Variants in AIG1 observed in about 807,000 individuals in gnomAD.
AIG1 encodes androgen induced 1.
In AIG1, 23 loss-of-function variants were observed where a neutral mutation model predicts 31.4. That is an observed-to-expected ratio of 0.73 (90% CI 0.53 to 1.04). AIG1 has a LOEUF of 1.04. Ranked by LOEUF, AIG1 falls within the 50% of genes least tolerant of loss-of-function variation. The pLI, the probability that AIG1 is intolerant of heterozygous loss-of-function variation, is 0.00. For missense variants in AIG1, 274 were observed against 295.0 expected (o/e 0.93, Z 0.52); for synonymous variants, 100 against 110.5 (o/e 0.90, Z 0.60).
chr6:143,220,997 G>T (rs914949879), intron 3 of AIG1, among the ~76,000 whole-genome samples: 2 of 152,012 alleles, frequency 1.3e-5, no homozygotes, highest in African/African-American at 4.8e-5. Context: ...TTTTATTGTT[G>T]TTGTTGTTGT....
chr6:143,146,960 G>T (rs555222897), intron 2 of AIG1, among the ~76,000 whole-genome samples: 1 of 152,148 alleles, frequency 6.6e-6, no homozygotes, highest in Non-Finnish European at 1.5e-5. Flanking sequence ...AGAAAATCAG[G>T]TGGGAAGGTG....
At chr6:143,077,255 T>G (rs746193295) in intron 1 of AIG1, among the ~76,000 whole-genome samples, 1 of 152,246 alleles carries the variant, frequency 6.6e-6, no homozygotes, top group Non-Finnish European at 1.5e-5. Flanking sequence ...GAACTTAGTA[T>G]AGTAAAATAT....
At chr6:143,153,231 G>A (rs557057782) in intron 2 of AIG1, among the ~76,000 whole-genome samples, 7 of 152,322 alleles carry the variant, frequency 4.6e-5, no homozygotes, top group African/African-American at 1.7e-4. Context: ...GTATCAGTTA[G>A]GACCAGCAAG....
intron 3 of AIG1, chr6:143,187,348 C>G: frequency 6.8e-7 from 1 of 1,476,442 alleles, no homozygotes; most frequent in African/African-American, 1.4e-5. Flanking sequence ...AGATATTTTG[C>G]TGCATTCCAT....
intron 4 of AIG1, among the ~76,000 whole-genome samples, chr6:143,320,479 A>T (rs1776118704): frequency 6.6e-6 from 1 of 152,258 alleles, no homozygotes; most frequent in African/African-American, 2.4e-5. Flanking sequence ...GAGATGAATG[A>T]TAAATAAAAG....
In AIG1 at chr6:143,235,588, C is replaced by G. The variant is rs573891344; in HGVS notation, c.400-48522C>G. Among the ~76,000 whole-genome samples, 10 of 151,672 alleles carry G rather than the reference C, an allele frequency of 6.6e-5. No homozygotes were observed. The South Asian group carries it at 1.9e-3, about 29-fold the overall frequency. ...CTGGCATGCCATGTTCCCAGGCTCCCCATCTCACTCTCTTCTCCCCTGATT... is the reference window on the plus strand; with the variant it reads ...CTGGCATGCCATGTTCCCAGGCTCCGCATCTCACTCTCTTCTCCCCTGATT... On this transcript the variant is annotated intron_variant, in intron 3 of 5. Transcript: ENST00000357847.
At chr6:143,158,115 C>G (rs1400212637) in intron 2 of AIG1, among the ~76,000 whole-genome samples, 1 of 152,166 alleles carries the variant, frequency 6.6e-6, no homozygotes. Context: ...TATCACAGCT[C>G]TTTTGGATGG....
chr6:143,153,422 A>G (rs541950670), intron 2 of AIG1, among the ~76,000 whole-genome samples: 1 of 152,256 alleles, frequency 6.6e-6, no homozygotes, highest in East Asian at 1.9e-4. Context: ...ATCTCAGCTC[A>G]CTGCAAGCTC....
At chr6:143,181,522 G>T (rs1176934567) in intron 3 of AIG1, among the ~76,000 whole-genome samples, 1 of 152,188 alleles carries the variant, frequency 6.6e-6, no homozygotes, top group African/African-American at 2.4e-5. Context: ...AGATTTTGCA[G>T]ATTTAAATTT....
At position 143,141,480 on chromosome 6, in the gene AIG1, T is replaced by C. The variant is rs148372918; in HGVS notation, c.297+4490T>C. 3.0e-3 allele frequency among the ~76,000 whole-genome samples: 450 copies of C among 152,280 alleles called. 14 individuals carry two copies. In the East Asian group the frequency reaches 0.054, roughly 18 times the overall value. ...CATGAAACATTCCAATCAAAGATAA[T>C]TGGAGGAAAGTTTTATTTCAGCATA... On this transcript the variant is annotated intron_variant, in intron 2 of 5. Coordinates refer to ENST00000357847, the MANE Select transcript of AIG1 (RefSeq NM_016108.4).
At position 143,143,703 on chromosome 6, in the gene AIG1, A is replaced by G. The variant is rs75657501; in HGVS notation, c.297+6713A>G. Among the ~76,000 whole-genome samples the G allele has an allele frequency of 3.5e-3, 525 of 151,724 alleles. 4 individuals carry two copies. The highest frequency in any genetic ancestry group is 0.012 in the African/African-American group (491 of 41,342). ...TCCTTTCTTTTCACCTCTGAAGTTAAAAGTACATCAGCTAGGTCATGTTTT... is the reference window on the plus strand; with the variant it reads ...TCCTTTCTTTTCACCTCTGAAGTTAGAAGTACATCAGCTAGGTCATGTTTT... On this transcript the variant is annotated intron_variant, in intron 2 of 5. Coordinates refer to ENST00000357847, the MANE Select transcript of AIG1 (RefSeq NM_016108.4).
intron 3 of AIG1, among the ~76,000 whole-genome samples, chr6:143,169,903 A>C (rs1172535608): frequency 6.6e-6 from 1 of 152,078 alleles, no homozygotes; most frequent in African/African-American, 2.4e-5. Context: ...AGATGTATCA[A>C]ATTTATTCAT....
chr6:143,237,390 A>G (rs1305049908), intron 3 of AIG1, among the ~76,000 whole-genome samples: 1 of 152,226 alleles, frequency 6.6e-6, no homozygotes, highest in African/African-American at 2.4e-5. Flanking sequence ...TGAGGCTACA[A>G]TTTATTCATT....
In AIG1 at chr6:143,258,471, C is replaced by A. The variant is rs867287967; in HGVS notation, c.400-25639C>A. ...AGAGAGCAATATCTTCCATTCTTAC[C>A]CATATCCTTTTGCAAAACTCACAAA... On this transcript the variant is annotated intron_variant, in intron 3 of 5. Coordinates refer to ENST00000357847, the MANE Select transcript of AIG1 (RefSeq NM_016108.4). The surrounding 1 kb of genome is among the most constrained non-coding windows in gnomAD (Gnocchi z 4.7). 2.0e-5 allele frequency among the ~76,000 whole-genome samples: 3 copies of A among 152,148 alleles called. No individual in the cohort carries two copies. Among genetic ancestry groups the A allele is most frequent in the Non-Finnish European group, 2.9e-5 (2 of 68,024 alleles).
Position 143,333,347 on chromosome 6 carries a change from G to A in AIG1, c.581G>A (p.Gly194Glu), listed in dbSNP as rs371153071. The A allele has an allele frequency of 1.2e-5, 20 of 1,613,782 alleles. No individual in the cohort carries two copies. Among genetic ancestry groups the A allele is most frequent in the Non-Finnish European group, 1.7e-5 (20 of 1,179,902 alleles). ...CCTTTCCTGGAACACATTGGCCCAG[G>A]AGCCAGAATCATCTTCTTTGGGTCT... ...VYPFLEHIGP[G>E]ARIIFFGSTT... Residue 194 changes from glycine (G) to glutamate (E), a missense_variant, in exon 5 of 6, where the codon GGA becomes GAA. Coordinates refer to ENST00000357847, the MANE Select transcript of AIG1 (RefSeq NM_016108.4). The surrounding 1 kb of genome is among the most constrained non-coding windows in gnomAD (Gnocchi z 4.6).
At chr6:143,147,420 A>G (rs984835041) in intron 2 of AIG1, among the ~76,000 whole-genome samples, 3 of 152,156 alleles carry the variant, frequency 2.0e-5, no homozygotes, top group Admixed American at 6.5e-5. Flanking sequence ...CTTGATCCTA[A>G]GGACATCTCC....
intron 3 of AIG1, among the ~76,000 whole-genome samples, chr6:143,276,453 G>A (rs1364986767): frequency 6.6e-6 from 1 of 152,184 alleles, no homozygotes; most frequent in Non-Finnish European, 1.5e-5. Flanking sequence ...TTGTTCTGGT[G>A]TAAGAGCATC....
chr6:143,155,700 G>A (rs935976459), intron 2 of AIG1, among the ~76,000 whole-genome samples: 11 of 152,260 alleles, frequency 7.2e-5, no homozygotes, highest in African/African-American at 2.2e-4. Context: ...ATTTAAAGCT[G>A]CAATTATAAA....
At chr6:143,156,307 G>T (rs1473470730) in intron 2 of AIG1, among the ~76,000 whole-genome samples, 1 of 148,538 alleles carries the variant, frequency 6.7e-6, no homozygotes, top group East Asian at 2.0e-4. Context: ...CCTACAATGG[G>T]GTTCTATGGA....
Sources: gnomAD v4.1 joint callset for allele counts (sites outside exome capture counted in the v4.1 genomes callset) on GRCh38, gnomAD v4.1.1 for gene constraint, Gnocchi (gnomAD v3.1) non-coding constraint, MANE v1.5 for transcripts, NCBI Gene and HGNC (gene_info 2026-07-23, HGNC 2026-07-21) for gene names.